The following ACSM1 variants were observed in gnomAD, a reference collection of about 807,000 sequenced individuals.
ACSM1 encodes the protein acyl-CoA synthetase medium chain family member 1, also known as acyl-coenzyme A synthetase ACSM1, mitochondrial.
In ACSM1, 79 loss-of-function variants were observed where a neutral mutation model predicts 75.8. The ratio of observed to expected loss-of-function variants is 1.04; its 90% CI spans 0.87 to 1.26. The LOEUF (loss-of-function observed/expected upper bound fraction) is 1.26. ACSM1 is among the 50% of genes most tolerant of loss of function. ACSM1 has a pLI of 0.00. For missense variants in ACSM1, 676 were observed against 720.1 expected (o/e 0.94, Z 0.70); for synonymous variants, 279 against 265.8 (o/e 1.05, Z -0.48).
rs371958883 is a variant in ACSM1, at chr16:20,641,265, T to C, written c.993-681A>G. 9.4e-4 allele frequency among the ~76,000 whole-genome samples: 143 copies of C among 152,360 alleles called. 6 individuals carry two copies. In the South Asian group the frequency reaches 0.028, roughly 30 times the overall value. On this transcript the variant is annotated intron_variant, in intron 7 of 13. Transcript: ENST00000520010. ...AAATGGCTGCCATTTGGCTAGCTAA[T>C]AGAGGTGGCCTTGCAAAGCCATCTT... is the stretch of plus-strand genomic sequence containing the variant.
intron 6 of ACSM1, among the ~76,000 whole-genome samples, chr16:20,662,424 A>C (rs1180599238): frequency 6.6e-6 from 1 of 152,216 alleles, no homozygotes; most frequent in African/African-American, 2.4e-5. Context: ...AATTAAATTT[A>C]GGAAGATAAG....
chr16:20,634,168 C>T (rs2017516822), intron 10 of ACSM1, among the ~76,000 whole-genome samples: 1 of 152,074 alleles, frequency 6.6e-6, no homozygotes, highest in African/African-American at 2.4e-5. Flanking sequence ...ACTTCAATGC[C>T]CAATTGCAAA....
chr16:20,631,098 G>T (rs1236312720), intron 10 of ACSM1, among the ~76,000 whole-genome samples: 2 of 152,120 alleles, frequency 1.3e-5, no homozygotes, highest in Non-Finnish European at 2.9e-5. Flanking sequence ...CCATAAACTG[G>T]GTGGGTTATA....
At chr16:20,672,471 A>AAAAAAAAAAATATATAT (rs1555473775) in intron 4 of ACSM1, among the ~76,000 whole-genome samples, 10 of 64,562 alleles carry the variant, frequency 1.5e-4, no homozygotes, top group Non-Finnish European at 2.6e-4. Context: ...AAAAAAAAAA[A>AAAAAAAAAAATATATAT]ATATATATAT....
At chr16:20,694,082 C>T (rs1567317182) in intron 1 of ACSM1, among the ~76,000 whole-genome samples, 1 of 152,362 alleles carries the variant, frequency 6.6e-6, no homozygotes, top group East Asian at 1.9e-4. Flanking sequence ...TAGCCTGTTC[C>T]TCTTGCTTAT....
intron 8 of ACSM1, among the ~76,000 whole-genome samples, chr16:20,638,752 A>C (rs2017884915): frequency 1.3e-5 from 2 of 152,212 alleles, no homozygotes; most frequent in Admixed American, 1.3e-4. Flanking sequence ...TGGGATAGGA[A>C]GATCTTTGCC....
intron 6 of ACSM1, among the ~76,000 whole-genome samples, chr16:20,665,233 A>G (rs2019506323): frequency 6.6e-6 from 1 of 152,180 alleles, no homozygotes; most frequent in Non-Finnish European, 1.5e-5. Flanking sequence ...AGAATAAACA[A>G]TATTGATAGA....
At chr16:20,684,522 G>A (rs1351303789) in intron 3 of ACSM1, among the ~76,000 whole-genome samples, 1 of 152,196 alleles carries the variant, frequency 6.6e-6, no homozygotes, top group East Asian at 1.9e-4. Flanking sequence ...TGCCTAACGT[G>A]TCTAATCTGA....
rs2016722063 is a variant in ACSM1 at position 20,623,296 on chromosome 16, A to G, written c.*190T>C. 1.7e-6 allele frequency: 1 copy of G among 571,676 alleles called. No homozygotes were observed. The highest frequency in any genetic ancestry group is 3.1e-6 in the Non-Finnish European group (1 of 319,538). The allele number at this position is 571,676 out of a possible 1,614,324, so 35.4% of individuals were successfully genotyped here. On this transcript the variant is annotated 3_prime_UTR_variant, in exon 14 of 14. Transcript: ENST00000520010. ...TGCTCACCTGGGAAATTCTAAAGAT[A>G]CAGAGGACTTGGAGGAAGCAGAGCA...
At chr16:20,656,205 T>A (rs544327869) in intron 7 of ACSM1, among the ~76,000 whole-genome samples, 1 of 152,162 alleles carries the variant, frequency 6.6e-6, no homozygotes, top group Non-Finnish European at 1.5e-5. Flanking sequence ...GCCTGTTATA[T>A]CTCTATATTT....
At chr16:20,653,731 A>G (rs1255463621) in intron 7 of ACSM1, among the ~76,000 whole-genome samples, 1 of 152,208 alleles carries the variant, frequency 6.6e-6, no homozygotes, top group Non-Finnish European at 1.5e-5. Context: ...AGAACTATAA[A>G]CCACTGCTCA....
At chr16:20,639,085 G>C (rs991971193) in intron 8 of ACSM1, among the ~76,000 whole-genome samples, 20 of 152,220 alleles carry the variant, frequency 1.3e-4, no homozygotes, top group Non-Finnish European at 2.9e-4. Context: ...GCCTGGGATA[G>C]CAGTCATCCT....
chr16:20,671,986 C>T (rs2019935351), intron 4 of ACSM1, among the ~76,000 whole-genome samples: 2 of 152,096 alleles, frequency 1.3e-5, no homozygotes, highest in Non-Finnish European at 2.9e-5. Context: ...ATAGCACTTG[C>T]TATGTTCCAG....
At chr16:20,635,858 T>G (rs377077560) in intron 10 of ACSM1, among the ~76,000 whole-genome samples, 2 of 152,034 alleles carry the variant, frequency 1.3e-5, no homozygotes, top group Non-Finnish European at 2.9e-5. Context: ...CCAGGCTGGT[T>G]TCGAACTCCT....
At position 20,677,554 on chromosome 16, in the gene ACSM1, G is replaced by C. The variant is rs1427812153; in HGVS notation, c.611+4702C>G. Among the ~76,000 whole-genome samples, 3 of 152,218 alleles carry C rather than the reference G, an allele frequency of 2.0e-5. No homozygotes were observed. In the East Asian group the frequency reaches 5.8e-4, roughly 29 times the overall value. On this transcript the variant is annotated intron_variant, in intron 4 of 13. Coordinates refer to ENST00000520010, the MANE Select transcript of ACSM1 (RefSeq NM_001318890.3). ...GTACCAGGAGACCCCCTTCATTGCT[G>C]TGTAAATGTGATAGATGAAGTGTTC...
rs140055451 is a variant in ACSM1, at chr16:20,648,884, T to G, written c.993-8300A>C. ...CTGTAGACCAATCACCTTGGGCACA[T>G]GTTCTCAAGATCTGCTGAGGCTGTG... On this transcript the variant is annotated intron_variant, in intron 7 of 13. Coordinates refer to ENST00000520010, the MANE Select transcript of ACSM1 (RefSeq NM_001318890.3). The surrounding 1 kb of genome is among the most constrained non-coding windows in gnomAD (Gnocchi z 4.2). 1.7e-3 allele frequency among the ~76,000 whole-genome samples: 253 copies of G among 152,336 alleles called. No individual in the cohort carries two copies. Among genetic ancestry groups the G allele is most frequent in the South Asian group, 3.7e-3 (18 of 4,826 alleles).
At chr16:20,629,789 G>A (rs2017224158) in intron 10 of ACSM1, among the ~76,000 whole-genome samples, 1 of 151,972 alleles carries the variant, frequency 6.6e-6, no homozygotes. Context: ...GTCAGGAGAT[G>A]GAGACCATCC....
chr16:20,649,704 A>G (rs1047263987), intron 7 of ACSM1, among the ~76,000 whole-genome samples: 1 of 152,202 alleles, frequency 6.6e-6, no homozygotes, highest in Non-Finnish European at 1.5e-5. Flanking sequence ...AAATTTACCT[A>G]TAGCCCGGAA....
At chr16:20,629,787 A>G (rs548398164) in intron 10 of ACSM1, among the ~76,000 whole-genome samples, 22 of 152,156 alleles carry the variant, frequency 1.4e-4, no homozygotes, top group African/African-American at 5.1e-4. Flanking sequence ...AGGTCAGGAG[A>G]TGGAGACCAT....
Sources: gnomAD v4.1 joint callset for allele counts (sites outside exome capture counted in the v4.1 genomes callset) on GRCh38, gnomAD v4.1.1 for gene constraint, Gnocchi (gnomAD v3.1) non-coding constraint, MANE v1.5 for transcripts, NCBI Gene and HGNC (gene_info 2026-07-23, HGNC 2026-07-21) for gene names.